The following LRPAP1 variants were observed in gnomAD, a reference collection of about 807,000 sequenced individuals.
LRPAP1 encodes the protein LDL receptor related protein associated protein 1.
Under a neutral mutation model 39.9 loss-of-function variants are expected in LRPAP1, and 41 were observed. The observed-to-expected ratio is 1.03, with a 90% CI of 0.80 to 1.33. The LOEUF is 1.33. LRPAP1 is among the 40% of genes most tolerant of loss of function. LRPAP1 has a pLI of 0.00. For missense variants in LRPAP1, 565 were observed against 482.3 expected, an observed-to-expected ratio of 1.17 and a Z score of -1.61; for synonymous variants, 263 against 212.7, an observed-to-expected ratio of 1.24 and a Z score of -2.06.
chr4:3,527,175 A>G (rs1042936718), intron 1 of LRPAP1, among the ~76,000 whole-genome samples: 1 of 152,070 alleles, frequency 6.6e-6, no homozygotes, highest in Non-Finnish European at 1.5e-5. Flanking sequence ...TTTCCCTGGC[A>G]GCCTTCGACA....
chr4:3,504,128 C>T lies in LRPAP1; in HGVS notation c.*8846G>A, dbSNP rs1281128401. 6.6e-6 allele frequency: 1 copy of T among 152,312 alleles called. No homozygotes were observed. The highest frequency in any genetic ancestry group is 1.5e-5 in the Non-Finnish European group (1 of 68,086). The allele number at this position is 152,312 out of a possible 1,614,324, so 9.4% of individuals were successfully genotyped here. On this transcript the variant is annotated 3_prime_UTR_variant, in exon 8 of 8. Transcript: ENST00000650182. Reference sequence around the variant, plus strand: ...GTGAATCGGTACCAACCCCCTCGCCCTATCCTGAATGTGAGCGGGGAAAGT... The same window carrying T: ...GTGAATCGGTACCAACCCCCTCGCCTTATCCTGAATGTGAGCGGGGAAAGT...
intron 2 of LRPAP1, among the ~76,000 whole-genome samples, chr4:3,522,662 A>T (rs1485407074): frequency 8.0e-5 from 8 of 99,600 alleles, no homozygotes; most frequent in Admixed American, 2.0e-4. Flanking sequence ...GGGAGGACGG[A>T]CGCCGCCCCA....
Position 3,506,939 on chromosome 4 carries a change from T to A in LRPAP1, c.*6035A>T, listed in dbSNP as rs1455000572. 1 of 152,188 alleles carries A rather than the reference T, an allele frequency of 6.6e-6. No individual in the cohort carries two copies. The highest frequency in any genetic ancestry group is 1.9e-4 in the East Asian group (1 of 5,202). 9.4% of individuals were successfully genotyped at this position (152,188 alleles called of 1,614,324 possible). A position where few individuals can be genotyped will look rare whatever the true frequency, so the allele number is the denominator to read the frequency against. On this transcript the variant is annotated 3_prime_UTR_variant, in exon 8 of 8. Transcript: ENST00000650182. ...GGAATAACGCTAAGACCAGGCTGGG[T>A]GTGGCGGCTCCCGCCACCTGTAATC...
In LRPAP1 at chr4:3,503,910, C is replaced by A. The variant is rs1265472811; in HGVS notation, c.*9064G>T. On this transcript the variant is annotated 3_prime_UTR_variant, in exon 8 of 8. Transcript: ENST00000650182. ...AGGGAGAAGTGAGGGACCCAGGGGC[C>A]CAGGAAGGTCGTGAGCGCCAAGCAC... 1 of 152,320 alleles carries A rather than the reference C, an allele frequency of 6.6e-6. No homozygotes were observed. Among genetic ancestry groups the A allele is most frequent in the Non-Finnish European group, 1.5e-5 (1 of 68,098 alleles). The allele number at this position is 152,320 out of a possible 1,614,324, so 9.4% of individuals were successfully genotyped here. A position where few individuals can be genotyped will look rare whatever the true frequency, so the allele number is the denominator to read the frequency against.
rs563463515 is a variant in LRPAP1, at chr4:3,532,402, C to T, written c.11G>A (p.Arg4Gln). 11 of 1,574,262 alleles carry T rather than the reference C, an allele frequency of 7.0e-6. No individual in the cohort carries two copies. Among genetic ancestry groups the T allele is most frequent in the Admixed American group, 1.8e-5 (1 of 55,538 alleles). ...CCCGCGCAGAAACGACCTGACCCTC[C>T]GCGGCGCCATCTTCCTCTGCGACTG... MAPRRVRSFLRGLP... is the reference protein window; with the variant it reads MAPQRVRSFLRGLP... The change falls in exon 1 of 8, where the codon CGG becomes CAG. Residue 4 changes from arginine to glutamine, a missense_variant. Coordinates refer to ENST00000650182, the MANE Select transcript of LRPAP1 (RefSeq NM_002337.4).
chr4:3,529,913 C>A (rs1730198356), intron 1 of LRPAP1, among the ~76,000 whole-genome samples: 1 of 152,216 alleles, frequency 6.6e-6, no homozygotes, highest in Non-Finnish European at 1.5e-5. Flanking sequence ...AAGGACAAGA[C>A]CGTCCTGGCT....
chr4:3,512,777 C>CA lies in LRPAP1; in HGVS notation c.*196dup. On this transcript the variant is annotated 3_prime_UTR_variant, in exon 8 of 8. Transcript: ENST00000650182. ...CCTTCAGTCAGAGCTGGGCCGATCT[C>CA]AGACCCAAATGCTACCACCACCAAG... The CA allele has an allele frequency of 1.7e-6, 1 of 588,574 alleles. No homozygotes were observed. 36.5% of individuals were successfully genotyped at this position (588,574 alleles called of 1,614,324 possible).
chr4:3,520,337 C>T (rs527736680), intron 2 of LRPAP1, 144 bp from the exon 3 acceptor site: 37 of 783,840 alleles, frequency 4.7e-5, no homozygotes, highest in Non-Finnish European at 7.3e-5. Flanking sequence ...TGGATGACCA[C>T]TGGAGATCTG....
At chr4:3,526,418 A>G (rs1024863471) in intron 1 of LRPAP1, among the ~76,000 whole-genome samples, 9 of 152,212 alleles carry the variant, frequency 5.9e-5, no homozygotes, top group South Asian at 2.1e-4. Context: ...TCTTTTATCT[A>G]TATTTCATTA....
intron 6 of LRPAP1, among the ~76,000 whole-genome samples, chr4:3,515,179 G>C (rs568514429): frequency 6.6e-6 from 1 of 152,118 alleles, no homozygotes; most frequent in South Asian, 2.1e-4. Context: ...CCCGCCCCCC[G>C]AATCTAGGGG....
At position 3,506,173 on chromosome 4, in the gene LRPAP1, G is replaced by A. The variant is rs938936162; in HGVS notation, c.*6801C>T. Among the ~76,000 whole-genome samples the A allele has an allele frequency of 6.6e-5, 10 of 151,088 alleles. No homozygotes were observed. The highest frequency in any genetic ancestry group is 2.2e-4 in the African/African-American group (9 of 41,044). ...TGTCTCCCAGCTTCAAGTGATTCTC[G>A]TGCCTTAGGCTCCCGAGTAGCTGGG... On this transcript the variant is annotated 3_prime_UTR_variant, in exon 8 of 8. Coordinates refer to ENST00000650182, the MANE Select transcript of LRPAP1 (RefSeq NM_002337.4).
In LRPAP1 at chr4:3,514,992, C is replaced by T. The variant is rs746630675; in HGVS notation, c.835-64G>A. 3.2e-5 allele frequency: 51 copies of T among 1,569,742 alleles called. 1 individual carries two copies. The highest frequency in any genetic ancestry group is 1.6e-4 in the East Asian group (7 of 44,388). On this transcript the variant is annotated intron_variant, in intron 6 of 7. Transcript: ENST00000650182. ...TGCTCGCCACGCCATCTTGTGGTCC[C>T]GGGTGAACTGCAAGGACGCCAAAGG...
intron 2 of LRPAP1, 148 bp downstream of exon 2, chr4:3,524,759 C>A (rs993994630): frequency 5.3e-6 from 5 of 938,188 alleles, no homozygotes; most frequent in African/African-American, 1.6e-5. Flanking sequence ...TCAGGATGCT[C>A]GGGGAAAGGC....
chr4:3,515,826 C>T (rs577708743), intron 6 of LRPAP1: 63 of 466,706 alleles, frequency 1.3e-4, no homozygotes, highest in South Asian at 9.4e-4. Flanking sequence ...GGCTGGGTCC[C>T]GACCAACTGT....
chr4:3,515,027 T>A, intron 6 of LRPAP1, 99 bp from the exon 7 acceptor site: 1 of 1,204,464 alleles, frequency 8.3e-7, no homozygotes. Flanking sequence ...GACGGCGCCA[T>A]ACCCGGGGCA....
intron 1 of LRPAP1, among the ~76,000 whole-genome samples, chr4:3,531,788 T>A (rs1165653385): frequency 1.3e-5 from 2 of 152,280 alleles, no homozygotes; most frequent in Non-Finnish European, 2.9e-5. Flanking sequence ...GGATTCCTTC[T>A]GTCCCTGGAC....
chr4:3,515,951 G>C, intron 6 of LRPAP1, 165 bp downstream of exon 6: 1 of 675,044 alleles, frequency 1.5e-6, no homozygotes, highest in Admixed American at 2.7e-5. Flanking sequence ...TTCCCACGCA[G>C]ATGAGAAGGA....
chr4:3,513,319 T>C (rs1392524903), intron 7 of LRPAP1, among the ~76,000 whole-genome samples: 1 of 152,178 alleles, frequency 6.6e-6, no homozygotes, highest in Non-Finnish European at 1.5e-5. Flanking sequence ...TGTTATTTAT[T>C]TACTTACTGA....
In LRPAP1 at chr4:3,512,823, G is replaced by A. The variant is rs943706656; in HGVS notation, c.*151C>T. The A allele has an allele frequency of 3.6e-5, 23 of 638,558 alleles. No homozygotes were observed. The highest frequency in any genetic ancestry group is 2.9e-5 in the Admixed American group (1 of 34,972). The allele number at this position is 638,558 out of a possible 1,614,324, so 39.6% of individuals were successfully genotyped here. On this transcript the variant is annotated 3_prime_UTR_variant, in exon 8 of 8. Coordinates refer to ENST00000650182, the MANE Select transcript of LRPAP1 (RefSeq NM_002337.4). ...CCAAGCCCTGTGTCGCGACGGCAGCGGCTGCAGTCACCAGAAACAATCCTT... is the reference window on the plus strand; with the variant it reads ...CCAAGCCCTGTGTCGCGACGGCAGCAGCTGCAGTCACCAGAAACAATCCTT...
Sources: allele counts gnomAD v4.1 joint callset (sites outside exome capture counted in the v4.1 genomes callset), GRCh38; gene constraint gnomAD v4.1.1; transcripts MANE v1.5; gene names NCBI Gene and HGNC (gene_info 2026-07-23, HGNC 2026-07-21).